GRK5: variants seen among roughly 807,000 people sequenced by gnomAD.
GRK5 encodes G protein-coupled receptor kinase 5.
Under a neutral mutation model 78.4 loss-of-function variants are expected in GRK5, and 40 were observed. The observed-to-expected ratio is 0.51, with a 90% CI of 0.40 to 0.66. The LOEUF (loss-of-function observed/expected upper bound fraction) is 0.66, where lower values mean the gene tolerates loss of function less well. GRK5 is among the 30% of genes least tolerant of loss of function. The probability of loss-of-function intolerance (pLI) is 0.00; values close to 1 mark genes in which losing one functional copy is unlikely to be tolerated. For missense variants in GRK5, 598 were observed against 759.9 expected, an observed-to-expected ratio of 0.79 and a Z score of 2.50; for synonymous variants, 289 against 296.8, an observed-to-expected ratio of 0.97 and a Z score of 0.27.
chr10:119,260,822 G>A (rs1466991417), intron 1 of GRK5, among the ~76,000 whole-genome samples: 4 of 151,568 alleles, frequency 2.6e-5, no homozygotes, highest in Non-Finnish European at 4.4e-5. Context: ...CACAGACACG[G>A]CAACCATCCG....
chr10:119,415,075 C>CTT (rs1347236896), intron 4 of GRK5, among the ~76,000 whole-genome samples: 1 of 101,474 alleles, frequency 9.9e-6, no homozygotes, highest in African/African-American at 4.3e-5. Context: ...GAGTGAGACT[C>CTT]TGTCTCAAAA....
At chr10:119,329,406 C>G (rs146648326) in intron 2 of GRK5, among the ~76,000 whole-genome samples, 1 of 152,100 alleles carries the variant, frequency 6.6e-6, no homozygotes, top group Non-Finnish European at 1.5e-5. Flanking sequence ...CTGGGGACCT[C>G]GAGCCATGAG....
intron 1 of GRK5, among the ~76,000 whole-genome samples, chr10:119,242,832 G>A (rs1191348015): frequency 6.6e-6 from 1 of 152,086 alleles, no homozygotes; most frequent in Non-Finnish European, 1.5e-5. Flanking sequence ...CTTCCGCCAT[G>A]ATTGTAAGTT....
intron 1 of GRK5, among the ~76,000 whole-genome samples, chr10:119,232,271 A>G (rs1463171657): frequency 1.3e-5 from 2 of 152,060 alleles, no homozygotes; most frequent in Non-Finnish European, 2.9e-5. Context: ...CGTGGAAGCT[A>G]AAAAAAAGTT....
At chr10:119,246,088 G>GT (rs1294088971) in intron 1 of GRK5, among the ~76,000 whole-genome samples, 7 of 145,834 alleles carry the variant, frequency 4.8e-5, no homozygotes, top group Admixed American at 2.7e-4. Flanking sequence ...CTCATGTTGT[G>GT]TTTTTTAAAA....
At chr10:119,439,073 C>T (rs1306717210) in intron 9 of GRK5, among the ~76,000 whole-genome samples, 1 of 152,230 alleles carries the variant, frequency 6.6e-6, no homozygotes, top group Non-Finnish European at 1.5e-5. Context: ...ATAGAGAAGA[C>T]CTTTTCCTAT....
At chr10:119,227,468 G>A (rs954964465) in intron 1 of GRK5, among the ~76,000 whole-genome samples, 2 of 152,138 alleles carry the variant, frequency 1.3e-5, no homozygotes, top group African/African-American at 4.8e-5. Flanking sequence ...TAGGGAGGAG[G>A]TTGAGGCAAG....
chr10:119,417,465 A>G (rs1852481519), intron 4 of GRK5, among the ~76,000 whole-genome samples: 1 of 152,248 alleles, frequency 6.6e-6, no homozygotes, highest in African/African-American at 2.4e-5. Context: ...GGGATTAGCC[A>G]GCAAGTCACC....
chr10:119,239,601 A>G (rs1013146726), intron 1 of GRK5, among the ~76,000 whole-genome samples: 2 of 152,116 alleles, frequency 1.3e-5, no homozygotes, highest in African/African-American at 4.8e-5. Context: ...TTACATAGGT[A>G]TACATGTGCT....
chr10:119,308,101 C>T (rs910276872), intron 1 of GRK5, among the ~76,000 whole-genome samples: 3 of 152,078 alleles, frequency 2.0e-5, no homozygotes, highest in African/African-American at 2.4e-5. Flanking sequence ...ATGCCCAGTG[C>T]GCCTTTGTAG....
rs34048341 is a variant in GRK5, at chr10:119,311,914, A to ACTTTTTTTTTTTTTT, written c.53-14602_53-14601insCTTTTTTTTTTTTTT. ...TGTACTGAATGCTACTGAATTGTTC[A>ACTTTTTTTTTTTTTT]TTTTTTTTTTTTTTTTTTTGAGACG... On this transcript the variant is annotated intron_variant, in intron 1 of 15. Transcript: ENST00000392870. Among the ~76,000 whole-genome samples the ACTTTTTTTTTTTTTT allele has an allele frequency of 4.4e-5, 6 of 137,814 alleles. 3 individuals are homozygous for ACTTTTTTTTTTTTTT. The highest frequency in any genetic ancestry group is 5.5e-5 in the African/African-American group (2 of 36,508). The allele number at this position is 137,814 out of a possible 152,430, so 90.4% of individuals were successfully genotyped here.
At chr10:119,256,439 C>T (rs778643389) in intron 1 of GRK5, among the ~76,000 whole-genome samples, 2 of 152,170 alleles carry the variant, frequency 1.3e-5, no homozygotes, top group Non-Finnish European at 2.9e-5. Flanking sequence ...TGCAGAAAGG[C>T]TCCTTGGGGT....
intron 1 of GRK5, among the ~76,000 whole-genome samples, chr10:119,249,596 C>G (rs1172160353): frequency 6.6e-6 from 1 of 152,170 alleles, no homozygotes; most frequent in Admixed American, 6.5e-5. Flanking sequence ...CTCCCAGGTT[C>G]AAGCAATTCT....
Position 119,394,749 on chromosome 10 carries a change from C to G in GRK5, c.262-1946C>G, listed in dbSNP as rs61876091. 1.9e-3 allele frequency among the ~76,000 whole-genome samples: 59 copies of G among 30,346 alleles called. 8 individuals are homozygous for G. Among genetic ancestry groups the G allele is most frequent in the South Asian group, 0.01 (10 of 954 alleles). 19.9% of individuals were successfully genotyped at this position (30,346 alleles called of 152,430 possible). ...CGTGTATGTTTGGGTGTGTGTGTGT[C>G]TGTGTGTGGGTGTGTATCTGTGTGT... On this transcript the variant is annotated intron_variant, in intron 3 of 15. Coordinates refer to ENST00000392870, the MANE Select transcript of GRK5 (RefSeq NM_005308.3).
intron 2 of GRK5, among the ~76,000 whole-genome samples, chr10:119,358,053 G>A (rs746510749): frequency 2.6e-5 from 4 of 152,190 alleles, no homozygotes; most frequent in African/African-American, 9.7e-5. Flanking sequence ...ATGGAATCAC[G>A]GATGGCCCGA....
intron 1 of GRK5, among the ~76,000 whole-genome samples, chr10:119,280,772 C>T (rs1589719332): frequency 8.0e-6 from 1 of 124,620 alleles, no homozygotes; most frequent in Non-Finnish European, 1.6e-5. Flanking sequence ...TCCCTCCCTC[C>T]CTCCTTTTCT....
chr10:119,265,278 A>C (rs563263092), intron 1 of GRK5, among the ~76,000 whole-genome samples: 7 of 152,338 alleles, frequency 4.6e-5, no homozygotes, highest in Admixed American at 3.3e-4. Context: ...CTCAGGGTAG[A>C]GAAAGCCTTT....
intron 3 of GRK5, among the ~76,000 whole-genome samples, chr10:119,383,255 G>T (rs955876543): frequency 2.6e-5 from 4 of 152,204 alleles, no homozygotes; most frequent in African/African-American, 9.7e-5. Context: ...TTGCTAGTTG[G>T]ATCTAGAAAC....
Position 119,457,190 on chromosome 10 carries a change from C to T in GRK5, c.*2123C>T, listed in dbSNP as rs753031255. 6.6e-6 allele frequency: 1 copy of T among 152,204 alleles called. No individual in the cohort carries two copies. Among genetic ancestry groups the T allele is most frequent in the Non-Finnish European group, 1.5e-5 (1 of 68,046 alleles). The allele number at this position is 152,204 out of a possible 1,614,324, so 9.4% of individuals were successfully genotyped here. ...AAGGACCATCATCCTAGGATGGTCA[C>T]CAGCCCAAGCCACCACCCCAGCCAC... On this transcript the variant is annotated 3_prime_UTR_variant, in exon 16 of 16. Coordinates refer to ENST00000392870, the MANE Select transcript of GRK5 (RefSeq NM_005308.3).
Sources: gnomAD v4.1 joint callset for allele counts (sites outside exome capture counted in the v4.1 genomes callset) on GRCh38, gnomAD v4.1.1 for gene constraint, MANE v1.5 for transcripts, NCBI Gene and HGNC (gene_info 2026-07-23, HGNC 2026-07-21) for gene names.